Variants in CPA6 observed in about 807,000 individuals in gnomAD.
The protein encoded by CPA6 is carboxypeptidase B.
In CPA6, 58 loss-of-function variants were observed where a neutral mutation model predicts 63.3. That is an observed-to-expected ratio of 0.92 (90% CI 0.74 to 1.14). The LOEUF (loss-of-function observed/expected upper bound fraction) is 1.14, where lower values mean the gene tolerates loss of function less well. CPA6 is among the 50% of genes most tolerant of loss of function. The probability of loss-of-function intolerance (pLI) is 0.00; values close to 1 mark genes in which losing one functional copy is unlikely to be tolerated. For synonymous variants in CPA6, 185 were observed against 179.0 expected, an observed-to-expected ratio of 1.03 and a Z score of -0.27; for missense variants, 565 against 526.6, an observed-to-expected ratio of 1.07 and a Z score of -0.71.
At chr8:67,597,244 G>T (rs1197691358) in intron 2 of CPA6, among the ~76,000 whole-genome samples, 2 of 148,170 alleles carry the variant, frequency 1.3e-5, no homozygotes, top group African/African-American at 5.0e-5. Flanking sequence ...TGTTGCCCAG[G>T]CTGGAGTGCA....
chr8:67,681,004 C>A (rs984916175), intron 1 of CPA6, among the ~76,000 whole-genome samples: 12 of 151,970 alleles, frequency 7.9e-5, no homozygotes, highest in African/African-American at 2.9e-4. Context: ...GGATACAAGT[C>A]TTTTATCAAA....
At chr8:67,489,642 T>A (rs1485548575) in intron 6 of CPA6, among the ~76,000 whole-genome samples, 2 of 152,174 alleles carry the variant, frequency 1.3e-5, no homozygotes, top group Non-Finnish European at 2.9e-5. Flanking sequence ...GTTCCAATTG[T>A]GCTTAAAAAA....
At chr8:67,689,203 G>T (rs1338114401) in intron 1 of CPA6, among the ~76,000 whole-genome samples, 1 of 151,906 alleles carries the variant, frequency 6.6e-6, no homozygotes, top group Non-Finnish European at 1.5e-5. Context: ...GTTACGCCTG[G>T]TTCTCTAGTT....
intron 2 of CPA6, among the ~76,000 whole-genome samples, chr8:67,545,985 T>A (rs1196779241): frequency 1.3e-5 from 2 of 152,126 alleles, no homozygotes; most frequent in Non-Finnish European, 2.9e-5. Context: ...CTTTTCATCA[T>A]CTCCTCTCCC....
chr8:67,430,099 T>C (rs1395767796), intron 9 of CPA6, among the ~76,000 whole-genome samples: 1 of 151,788 alleles, frequency 6.6e-6, no homozygotes, highest in East Asian at 1.9e-4. Flanking sequence ...GCATCAGTTA[T>C]TGGTGTTCAG....
At chr8:67,720,242 A>T (rs867594789) in intron 1 of CPA6, among the ~76,000 whole-genome samples, 22 of 152,096 alleles carry the variant, frequency 1.4e-4, no homozygotes, top group Non-Finnish European at 2.5e-4. Flanking sequence ...TAATGTCATC[A>T]GTTAAGGCAA....
intron 2 of CPA6, among the ~76,000 whole-genome samples, chr8:67,544,097 A>AT (rs1812763863): frequency 6.6e-6 from 1 of 152,128 alleles, no homozygotes; most frequent in African/African-American, 2.4e-5. Context: ...CTCCACTATT[A>AT]TTTTTTAAAA....
chr8:67,432,971 A>C (rs1810061572), intron 9 of CPA6, among the ~76,000 whole-genome samples: 1 of 152,216 alleles, frequency 6.6e-6, no homozygotes. Flanking sequence ...TGAGTCCTTA[A>C]ACCTGTGGAG....
At chr8:67,637,719 T>C (rs1587658927) in intron 1 of CPA6, among the ~76,000 whole-genome samples, 1 of 151,530 alleles carries the variant, frequency 6.6e-6, no homozygotes, top group Non-Finnish European at 1.5e-5. Flanking sequence ...TGGCAACTGT[T>C]TCATAAACTA....
chr8:67,553,956 T>G (rs1360041194), intron 2 of CPA6, among the ~76,000 whole-genome samples: 1 of 152,196 alleles, frequency 6.6e-6, no homozygotes, highest in Non-Finnish European at 1.5e-5. Context: ...GTGCTATTCC[T>G]GAAGGGTATA....
chr8:67,713,095 G>GTATATATATATA (rs755642095), intron 1 of CPA6, among the ~76,000 whole-genome samples: 92 of 86,308 alleles, frequency 1.1e-3, no homozygotes, highest in Non-Finnish European at 1.3e-3. Context: ...GTGTGTGTGT[G>GTATATATATATA]TGTGTATATA....
intron 8 of CPA6, among the ~76,000 whole-genome samples, chr8:67,460,867 A>C (rs985877213): frequency 1.3e-5 from 2 of 152,074 alleles, no homozygotes; most frequent in South Asian, 4.1e-4. Flanking sequence ...ATCTCTAGCG[A>C]AGTACCAGGA....
At chr8:67,536,085 C>T (rs1233004715) in intron 2 of CPA6, among the ~76,000 whole-genome samples, 3 of 151,452 alleles carry the variant, frequency 2.0e-5, no homozygotes, top group African/African-American at 7.3e-5. Context: ...GGTACCAGTA[C>T]CATACTACTG....
intron 8 of CPA6, among the ~76,000 whole-genome samples, chr8:67,448,031 C>T (rs1477198481): frequency 2.6e-5 from 4 of 152,180 alleles, no homozygotes; most frequent in Non-Finnish European, 4.4e-5. Context: ...GTGATCCACC[C>T]GCCTCAGCCT....
intron 1 of CPA6, among the ~76,000 whole-genome samples, chr8:67,740,510 C>T (rs755439052): frequency 6.6e-6 from 1 of 152,186 alleles, no homozygotes; most frequent in Non-Finnish European, 1.5e-5. Context: ...ATCCTTTTGT[C>T]TTCAGTATGC....
At chr8:67,572,214 T>C (rs1370110220) in intron 2 of CPA6, among the ~76,000 whole-genome samples, 2 of 152,208 alleles carry the variant, frequency 1.3e-5, no homozygotes, top group South Asian at 2.1e-4. Flanking sequence ...AGTTTGAATA[T>C]GGTTTGTTTA....
intron 1 of CPA6, among the ~76,000 whole-genome samples, chr8:67,670,446 C>A (rs1816319251): frequency 6.6e-6 from 1 of 152,132 alleles, no homozygotes; most frequent in Admixed American, 6.5e-5. Context: ...GGGGGGCTTA[C>A]AATTTGCCAT....
At chr8:67,519,382 C>T (rs2128967075) in intron 2 of CPA6, among the ~76,000 whole-genome samples, 1 of 152,342 alleles carries the variant, frequency 6.6e-6, no homozygotes, top group African/African-American at 2.4e-5. Context: ...CCTGCATCTC[C>T]AGTCTTGGAG....
chr8:67,445,864 A>C (rs1177833417), intron 8 of CPA6, among the ~76,000 whole-genome samples: 1 of 152,262 alleles, frequency 6.6e-6, no homozygotes, highest in African/African-American at 2.4e-5. Flanking sequence ...TTCAAAAAAT[A>C]CATGGAAAAA....
Sources: gnomAD v4.1 joint callset for allele counts (sites outside exome capture counted in the v4.1 genomes callset) on GRCh38, gnomAD v4.1.1 for gene constraint, MANE v1.5 for transcripts, NCBI Gene and HGNC (gene_info 2026-07-23, HGNC 2026-07-21) for gene names.